The following CPEB2 variants were observed in gnomAD, a reference collection of about 807,000 sequenced individuals.
The protein encoded by CPEB2 is cytoplasmic polyadenylation element binding protein 2.
In CPEB2, 56 loss-of-function variants were observed where a neutral mutation model predicts 93.6. That is an observed-to-expected ratio of 0.60 (90% CI 0.48 to 0.75). The LOEUF is 0.75. Ranked by LOEUF, CPEB2 falls within the 30% of genes least tolerant of loss-of-function variation. The pLI is 0.00. For missense variants in CPEB2, 1,579 were observed against 1,395.1 expected, an observed-to-expected ratio of 1.13 and a Z score of -2.10; for synonymous variants, 764 against 586.3, an observed-to-expected ratio of 1.30 and a Z score of -4.38.
intron 5 of CPEB2, 73 bp from the exon 6 acceptor site, chr4:15,040,391 A>T: frequency 7.1e-7 from 1 of 1,404,572 alleles, no homozygotes; most frequent in Non-Finnish European, 9.7e-7. Context: ...AGCTTTTCGT[A>T]TCAGAAATAT....
chr4:15,014,776 T>A (rs190342468), intron 3 of CPEB2, among the ~76,000 whole-genome samples: 131 of 152,196 alleles, frequency 8.6e-4, no homozygotes, highest in Middle Eastern at 3.4e-3. Context: ...CTATTCTTAA[T>A]CAACTTAGAA....
chr4:15,004,926 C>CT (rs113358154), intron 1 of CPEB2: 49 of 150,564 alleles, frequency 3.3e-4, no homozygotes, highest in African/African-American at 4.6e-4. Context: ...GGCGGAAAGG[C>CT]TTTTTTTTTT....
In CPEB2 at chr4:15,038,041, T is replaced by C. The variant is rs2604574; in HGVS notation, c.2177-2423T>C. Among the ~76,000 whole-genome samples the C allele has an allele frequency of 7.7e-3, 1,175 of 152,310 alleles. 15 individuals are homozygous for C. Among genetic ancestry groups the C allele is most frequent in the African/African-American group, 0.027 (1,114 of 41,566 alleles). ...GATTAGTTATTTCCATAACAGGGAA[T>C]AGGAAATATTTCACATGGTTTAGCT... On this transcript the variant is annotated intron_variant, in intron 5 of 11. Coordinates refer to ENST00000538197, the MANE Select transcript of CPEB2 (RefSeq NM_001177382.2).
chr4:15,038,660 C>T (rs1387300425), intron 5 of CPEB2, among the ~76,000 whole-genome samples: 1 of 150,196 alleles, frequency 6.7e-6, no homozygotes, highest in Non-Finnish European at 1.5e-5. Context: ...GCTATCTCAT[C>T]TACCTGCAAC....
At chr4:15,044,076 C>G (rs1381832073) in intron 6 of CPEB2, among the ~76,000 whole-genome samples, 1 of 152,070 alleles carries the variant, frequency 6.6e-6, no homozygotes, top group African/African-American at 2.4e-5. Flanking sequence ...GGCTGAAATC[C>G]TTGATAAATA....
At chr4:15,061,237 T>C (rs953591675) in intron 10 of CPEB2, among the ~76,000 whole-genome samples, 1 of 152,094 alleles carries the variant, frequency 6.6e-6, no homozygotes, top group African/African-American at 2.4e-5. Context: ...AAAGCTATGA[T>C]ACAGGATGAA....
In CPEB2 at chr4:15,016,559, G is replaced by A. The variant is rs974643712; in HGVS notation, c.2035-629G>A. On this transcript the variant is annotated intron_variant, in intron 3 of 11. Coordinates refer to ENST00000538197, the MANE Select transcript of CPEB2 (RefSeq NM_001177382.2). The stretch of plus-strand genomic sequence containing the variant: ...TTTTGCAGGGGAGTTGGGGGAGGCC[G>A]GCTTAAAAATGCAGAGACAAATATG... Among the ~76,000 whole-genome samples, 4 of 151,792 alleles carry A rather than the reference G, an allele frequency of 2.6e-5. No homozygotes were observed. The South Asian group carries it at 6.2e-4, about 24-fold the overall frequency.
chr4:15,006,823 T>C (rs1191636470), intron 1 of CPEB2, among the ~76,000 whole-genome samples: 1 of 152,224 alleles, frequency 6.6e-6, no homozygotes, highest in Non-Finnish European at 1.5e-5. Flanking sequence ...CCCACTTTTG[T>C]AGTAGTGCAA....
chr4:15,006,108 A>G (rs1287522869), intron 1 of CPEB2, among the ~76,000 whole-genome samples: 1 of 152,216 alleles, frequency 6.6e-6, no homozygotes, highest in African/African-American at 2.4e-5. Context: ...TAAATCATTT[A>G]ATAAGGAGAG....
chr4:15,002,757 T>C lies in CPEB2; in HGVS notation c.84T>C (p.Tyr28=), dbSNP rs2108927713. The stretch of plus-strand genomic sequence containing the variant: ...GGCCCCTGTTCTGCGGCGAGGCGTA[T>C]GGTCCTTACGCCGTGGGGTCCGTCA... ...SPGPLFCGEA[Y]GPYAVGSVNP... is the part of the protein sequence containing the mutation. The change falls in exon 1 of 12, where the codon TAT becomes TAC. Residue 28 remains tyrosine (Y), a synonymous_variant. Transcript: ENST00000538197. 1 of 1,535,412 alleles carries C rather than the reference T, an allele frequency of 6.5e-7. No individual in the cohort carries two copies. Among genetic ancestry groups the C allele is most frequent in the Non-Finnish European group, 8.7e-7 (1 of 1,146,588 alleles).
intron 3 of CPEB2, among the ~76,000 whole-genome samples, chr4:15,013,373 G>A (rs1723733122): frequency 1.3e-5 from 2 of 151,912 alleles, no homozygotes; most frequent in Admixed American, 6.6e-5. Context: ...TTATATTTCT[G>A]AAGTATTTTG....
chr4:15,019,849 T>C (rs149977363), intron 4 of CPEB2, among the ~76,000 whole-genome samples: 50 of 152,158 alleles, frequency 3.3e-4, no homozygotes, highest in African/African-American at 1.2e-3. Context: ...TATCCCAAAA[T>C]TTAGCAGATC....
intron 4 of CPEB2, among the ~76,000 whole-genome samples, chr4:15,020,706 A>G (rs777374295): frequency 1.3e-5 from 2 of 152,160 alleles, no homozygotes; most frequent in African/African-American, 4.8e-5. Flanking sequence ...ACTTTACTCA[A>G]TTAAGTGTGT....
chr4:15,060,055 A>G (rs1729050073), intron 10 of CPEB2, among the ~76,000 whole-genome samples: 1 of 152,162 alleles, frequency 6.6e-6, no homozygotes, highest in Non-Finnish European at 1.5e-5. Flanking sequence ...AGGTATTTGT[A>G]GTTGAGCTGA....
chr4:15,003,168 C>T lies in CPEB2; in HGVS notation c.495C>T (p.Asp165=). The T allele has an allele frequency of 6.5e-7, 1 of 1,534,472 alleles. No homozygotes were observed. Among genetic ancestry groups the T allele is most frequent in the South Asian group, 1.2e-5 (1 of 84,018 alleles). The change falls in exon 1 of 12, where the codon GAC becomes GAT. Residue 165 remains aspartate (D), a synonymous_variant. Coordinates refer to ENST00000538197, the MANE Select transcript of CPEB2 (RefSeq NM_001177382.2). ...GCTGCCGCACCTCCTCCCCGCAGGACTTCAGTAAGCGGCAGCAGCAGCAGC... is the reference window on the plus strand; with the variant it reads ...GCTGCCGCACCTCCTCCCCGCAGGATTTCAGTAAGCGGCAGCAGCAGCAGC... ...CCCCRTSSPQ[D]FSKRQQQQLS...
chr4:15,022,375 AT>A (rs1203234041), intron 4 of CPEB2, among the ~76,000 whole-genome samples: 2 of 152,176 alleles, frequency 1.3e-5, no homozygotes, highest in Non-Finnish European at 2.9e-5. Context: ...AAAGGGGTGC[AT>A]TTCTCAAAAC....
At position 15,033,224 on chromosome 4, in the gene CPEB2, A is replaced by C; in HGVS notation, c.2176+13A>C. The C allele has an allele frequency of 6.6e-7, 1 of 1,525,964 alleles. No individual in the cohort carries two copies. The highest frequency in any genetic ancestry group is 9.1e-7 in the Non-Finnish European group (1 of 1,102,068). 94.5% of individuals were successfully genotyped at this position (1,525,964 alleles called of 1,614,324 possible). ...TTGATGTTAAATGGTAAGTTTTATA[A>C]AAACATTTTATGTTTCCAGTTGATT... On this transcript the variant is annotated intron_variant, in intron 5 of 11. Transcript: ENST00000538197.
rs1729887797 is a variant in CPEB2 at position 15,068,850 on chromosome 4, T to C, written c.*2470T>C. ...ATGGTTTGTTTTACCTTCATTTCTG[T>C]ACAAGTAAAGCTTATTAGTCTAATG... On this transcript the variant is annotated 3_prime_UTR_variant, in exon 12 of 12. Transcript: ENST00000538197. 1 of 152,264 alleles carries C rather than the reference T, an allele frequency of 6.6e-6. No homozygotes were observed. Among genetic ancestry groups the C allele is most frequent in the African/African-American group, 2.4e-5 (1 of 41,412 alleles). The allele number at this position is 152,264 out of a possible 1,614,324, so 9.4% of individuals were successfully genotyped here.
intron 3 of CPEB2, among the ~76,000 whole-genome samples, chr4:15,012,720 T>C (rs1489013909): frequency 8.5e-5 from 13 of 152,112 alleles, no homozygotes; most frequent in Admixed American, 8.5e-4. Context: ...AAGTAAAAAT[T>C]AGAGAACTAA....
Sources: allele counts gnomAD v4.1 joint callset (sites outside exome capture counted in the v4.1 genomes callset), GRCh38; gene constraint gnomAD v4.1.1; transcripts MANE v1.5; gene names NCBI Gene and HGNC (gene_info 2026-07-23, HGNC 2026-07-21).